The following CCDC7 variants were observed in gnomAD, a reference collection of about 807,000 sequenced individuals.
CCDC7 encodes the protein coiled-coil domain containing 7, also known as coiled-coil domain-containing protein 7.
Under a neutral mutation model 196.9 loss-of-function variants are expected in CCDC7, and 183 were observed. The observed-to-expected ratio is 0.93, with a 90% CI of 0.82 to 1.05. CCDC7 has a LOEUF of 1.05. Ranked by LOEUF, CCDC7 falls within the 50% of genes least tolerant of loss-of-function variation. The pLI is 0.00. For synonymous variants in CCDC7, 525 were observed against 484.6 expected, an observed-to-expected ratio of 1.08 and a Z score of -1.10; for missense variants, 1,540 against 1,482.2, an observed-to-expected ratio of 1.04 and a Z score of -0.64.
chr10:32,762,497 A>G (rs549727561), intron 28 of CCDC7, among the ~76,000 whole-genome samples: 13 of 151,866 alleles, frequency 8.6e-5, no homozygotes, highest in South Asian at 2.1e-4. Flanking sequence ...TATAACTTCT[A>G]TGGAATCACA....
intron 24 of CCDC7, among the ~76,000 whole-genome samples, chr10:32,699,023 A>G (rs1214974513): frequency 6.6e-6 from 1 of 152,174 alleles, no homozygotes; most frequent in Non-Finnish European, 1.5e-5. Context: ...AAACTGTACA[A>G]GCCAGAAGAG....
chr10:32,703,248 G>T (rs2141607906), intron 24 of CCDC7, among the ~76,000 whole-genome samples: 1 of 152,150 alleles, frequency 6.6e-6, no homozygotes, highest in South Asian at 2.1e-4. Context: ...TGTTTGTAAA[G>T]GATTTTATTT....
upstream of CCDC7, among the ~76,000 whole-genome samples, chr10:32,450,458 C>T (rs1162386049): frequency 1.3e-5 from 2 of 152,154 alleles, no homozygotes; most frequent in African/African-American, 4.8e-5. Flanking sequence ...CAGTTCAACA[C>T]ATAACAATGG....
chr10:32,582,742 T>G (rs371238312), intron 16 of CCDC7, among the ~76,000 whole-genome samples: 36 of 152,174 alleles, frequency 2.4e-4, no homozygotes, highest in African/African-American at 8.4e-4. Context: ...CATCCTATGT[T>G]CTACTTTGGC....
At chr10:32,844,843 TCTA>T (rs1418047465) in intron 33 of CCDC7, among the ~76,000 whole-genome samples, 2 of 151,762 alleles carry the variant, frequency 1.3e-5, no homozygotes, top group African/African-American at 4.8e-5. Context: ...TTGTGACTCT[TCTA>T]CTATAATAAT....
At chr10:32,635,060 CT>C in exon 20 of CCDC7, 2 of 398,754 alleles carry the variant, frequency 5.0e-6, no homozygotes, top group East Asian at 7.1e-5. Context: ...TGTTCAGAGA[CT>C]CTTACAACCC....
chr10:32,477,196 A>G (rs2134033827), intron 8 of CCDC7, among the ~76,000 whole-genome samples: 1 of 150,326 alleles, frequency 6.7e-6, no homozygotes, highest in Admixed American at 6.8e-5. Context: ...ATTTATAACT[A>G]TGATCCATTT....
chr10:32,832,237 C>A (rs186223052), intron 32 of CCDC7, among the ~76,000 whole-genome samples: 1 of 152,064 alleles, frequency 6.6e-6, no homozygotes, highest in African/African-American at 2.4e-5. Context: ...TGCAGTGGCT[C>A]ATGCTTGTAA....
intron 8 of CCDC7, among the ~76,000 whole-genome samples, chr10:32,479,230 C>T (rs2039543468): frequency 6.6e-6 from 1 of 151,988 alleles, no homozygotes; most frequent in Admixed American, 6.6e-5. Context: ...TGCTTAATTG[C>T]TCTAGCTAGG....
intron 31 of CCDC7, among the ~76,000 whole-genome samples, chr10:32,817,503 C>T (rs1471797153): frequency 6.6e-6 from 1 of 151,966 alleles, no homozygotes; most frequent in Non-Finnish European, 1.5e-5. Flanking sequence ...AAAGATACTC[C>T]TCGAGAAGAG....
intron 11 of CCDC7, among the ~76,000 whole-genome samples, chr10:32,531,739 G>C (rs536703028): frequency 2.0e-5 from 3 of 152,200 alleles, no homozygotes; most frequent in African/African-American, 7.2e-5. Flanking sequence ...CTTATTATTG[G>C]TTTGCTGATG....
chr10:32,735,286 C>T (rs1480081716), intron 28 of CCDC7, among the ~76,000 whole-genome samples: 1 of 152,142 alleles, frequency 6.6e-6, no homozygotes, highest in East Asian at 1.9e-4. Flanking sequence ...GTTAAACTGT[C>T]TTCAAAGTTG....
chr10:32,506,653 A>G (rs2045197398), intron 9 of CCDC7, among the ~76,000 whole-genome samples: 1 of 152,142 alleles, frequency 6.6e-6, no homozygotes, highest in African/African-American at 2.4e-5. Context: ...GGAGCTGGAG[A>G]CCAGCCCAGT....
chr10:32,596,274 T>G (rs887299516), intron 18 of CCDC7, among the ~76,000 whole-genome samples: 1 of 152,238 alleles, frequency 6.6e-6, no homozygotes, highest in Non-Finnish European at 1.5e-5. Flanking sequence ...CATTGATCCC[T>G]TTACCATTAT....
chr10:32,558,156 A>C (rs1313765524), intron 13 of CCDC7, among the ~76,000 whole-genome samples: 4 of 152,156 alleles, frequency 2.6e-5, no homozygotes, highest in Non-Finnish European at 4.4e-5. Flanking sequence ...TTTTATCTTA[A>C]GAATTAGTTT....
chr10:32,744,252 C>T (rs2074320189), intron 28 of CCDC7, among the ~76,000 whole-genome samples: 1 of 151,560 alleles, frequency 6.6e-6, no homozygotes, highest in Non-Finnish European at 1.5e-5. Context: ...ATACTGTTTG[C>T]TAAAAAGCAT....
intron 18 of CCDC7, among the ~76,000 whole-genome samples, chr10:32,612,957 T>A (rs2062350177): frequency 6.6e-6 from 1 of 151,804 alleles, no homozygotes; most frequent in South Asian, 2.1e-4. Flanking sequence ...TAGGTGGGAG[T>A]TCCTCTTTTT....
intron 24 of CCDC7, among the ~76,000 whole-genome samples, chr10:32,695,531 A>T (rs566360518): frequency 6.6e-6 from 1 of 152,120 alleles, no homozygotes; most frequent in East Asian, 1.9e-4. Flanking sequence ...CCGTTAAGGG[A>T]ATTTGAGAGC....
chr10:32,726,746 A>G, exon 26 of CCDC7: 2 of 1,589,116 alleles, frequency 1.3e-6, no homozygotes, highest in Non-Finnish European at 1.7e-6. Flanking sequence ...CCAGATAAAA[A>G]TTCTATGTTT....
Sources: gnomAD v4.1 joint callset for allele counts (sites outside exome capture counted in the v4.1 genomes callset) on GRCh38, gnomAD v4.1.1 for gene constraint, MANE v1.5 for transcripts, NCBI Gene and HGNC (gene_info 2026-07-23, HGNC 2026-07-21) for gene names.